Variants in FHIT observed in about 807,000 individuals in gnomAD.
FHIT encodes fragile histidine triad diadenosine triphosphatase.
FHIT carries 19 observed loss-of-function variants against 17.9 expected under a neutral mutation model. That is an observed-to-expected ratio of 1.06 (90% confidence interval 0.74 to 1.56). The LOEUF (loss-of-function observed/expected upper bound fraction) is 1.56, where lower values mean the gene tolerates loss of function less well. Ranked by LOEUF, FHIT falls within the 40% of genes most tolerant of loss-of-function variation. FHIT has a pLI of 0.00. For missense variants in FHIT, 248 were observed against 189.2 expected (o/e 1.31, Z -1.82); for synonymous variants, 81 against 69.7 (o/e 1.16, Z -0.81).
chr3:60,584,704 C>T (rs1298430158), intron 4 of FHIT, among the ~76,000 whole-genome samples: 1 of 151,966 alleles, frequency 6.6e-6, no homozygotes, highest in Non-Finnish European at 1.5e-5. Flanking sequence ...GTTACAAAGT[C>T]CTGCACTGCA....
At chr3:60,229,088 T>C (rs1410484670) in intron 5 of FHIT, among the ~76,000 whole-genome samples, 2 of 152,168 alleles carry the variant, frequency 1.3e-5, no homozygotes, top group Non-Finnish European at 2.9e-5. Flanking sequence ...GACTTCTTAC[T>C]ATGTTGCAGA....
chr3:60,778,098 T>C (rs1700266726), intron 4 of FHIT, among the ~76,000 whole-genome samples: 1 of 152,212 alleles, frequency 6.6e-6, no homozygotes, highest in Non-Finnish European at 1.5e-5. Context: ...TCAATCTTCT[T>C]TAGGTTATAG....
intron 5 of FHIT, among the ~76,000 whole-genome samples, chr3:60,380,461 A>C (rs1700752264): frequency 6.6e-6 from 1 of 152,178 alleles, no homozygotes; most frequent in Admixed American, 6.6e-5. Flanking sequence ...CTAGTTTCAG[A>C]TATTCCTTTA....
At chr3:60,500,771 TAAAAAAAAAAAAAA>T (rs71092606) in intron 5 of FHIT, among the ~76,000 whole-genome samples, 7 of 64,864 alleles carry the variant, frequency 1.1e-4, no homozygotes, top group Admixed American at 9.2e-4. Flanking sequence ...AGCATCCATC[TAAAAAAAAAAAAAA>T]AAAAAAAAAA....
Position 60,028,541 on chromosome 3 carries a change from T to C in FHIT, c.104-14389A>G, listed in dbSNP as rs530931126. ...ATGTAGTTTTGTATCCCACTGATCT[T>C]CCAGTGATGAACCCACATATTTCAC... On this transcript the variant is annotated intron_variant, in intron 5 of 9. Coordinates refer to ENST00000492590, the MANE Select transcript of FHIT (RefSeq NM_002012.4). Among the ~76,000 whole-genome samples the C allele has an allele frequency of 1.1e-4, 16 of 152,290 alleles. No individual in the cohort carries two copies. In the East Asian group the frequency reaches 3.1e-3, roughly 29 times the overall value.
chr3:60,380,218 T>C (rs945292789), intron 5 of FHIT, among the ~76,000 whole-genome samples: 3 of 152,140 alleles, frequency 2.0e-5, no homozygotes, highest in Non-Finnish European at 2.9e-5. Flanking sequence ...GCCCTCCCCA[T>C]GGTAATGAGT....
At chr3:61,182,616 T>G (rs1360315625) in intron 2 of FHIT, among the ~76,000 whole-genome samples, 1 of 152,284 alleles carries the variant, frequency 6.6e-6, no homozygotes, top group Admixed American at 6.5e-5. Context: ...AAATTCATAC[T>G]AGAGAGTAAA....
At chr3:60,099,227 C>T (rs1261630081) in intron 5 of FHIT, among the ~76,000 whole-genome samples, 3 of 152,100 alleles carry the variant, frequency 2.0e-5, no homozygotes, top group Non-Finnish European at 4.4e-5. Context: ...GCTCTGTTTA[C>T]CTCTTGATAA....
chr3:60,669,414 C>T (rs972743007), intron 4 of FHIT, among the ~76,000 whole-genome samples: 1 of 152,184 alleles, frequency 6.6e-6, no homozygotes, highest in Non-Finnish European at 1.5e-5. Flanking sequence ...CAGATGGGAA[C>T]ATGTGATAAT....
intron 4 of FHIT, among the ~76,000 whole-genome samples, chr3:60,587,618 G>A (rs573228668): frequency 4.6e-5 from 7 of 152,106 alleles, no homozygotes; most frequent in Middle Eastern, 3.4e-3. Context: ...CAGTTGAGGC[G>A]TAAAACCTGA....
At chr3:60,486,253 A>C (rs9818182) in intron 5 of FHIT, among the ~76,000 whole-genome samples, 1 of 152,052 alleles carries the variant, frequency 6.6e-6, no homozygotes, top group Non-Finnish European at 1.5e-5. Flanking sequence ...ATTTCCAATA[A>C]AAAATTTTAT....
chr3:60,068,753 TC>T (rs1359992852), intron 5 of FHIT, among the ~76,000 whole-genome samples: 1 of 152,198 alleles, frequency 6.6e-6, no homozygotes, highest in Non-Finnish European at 1.5e-5. Context: ...CATAATTTTT[TC>T]CTCTACCTGA....
chr3:60,867,840 T>G (rs1434835279), intron 3 of FHIT, among the ~76,000 whole-genome samples: 1 of 152,192 alleles, frequency 6.6e-6, no homozygotes, highest in Non-Finnish European at 1.5e-5. Flanking sequence ...TTTGGGCATG[T>G]ACCATTAGCA....
At chr3:61,132,362 T>C (rs535078784) in intron 2 of FHIT, among the ~76,000 whole-genome samples, 46 of 152,344 alleles carry the variant, frequency 3.0e-4, no homozygotes, top group African/African-American at 1.1e-3. Flanking sequence ...CATAGACAAT[T>C]CAATTACAAA....
chr3:60,558,701 G>C (rs867292602), intron 4 of FHIT, among the ~76,000 whole-genome samples: 30 of 152,302 alleles, frequency 2.0e-4, no homozygotes, highest in Middle Eastern at 3.4e-3. Flanking sequence ...CACTCATGTT[G>C]TGGCATCTTC....
chr3:59,917,520 C>G (rs1330571074), intron 8 of FHIT, among the ~76,000 whole-genome samples: 1 of 152,190 alleles, frequency 6.6e-6, no homozygotes, highest in Non-Finnish European at 1.5e-5. Flanking sequence ...TTACCATAAT[C>G]TTCATCAACT....
rs1481644501 is a variant in FHIT, at chr3:61,070,841, C to A, written c.-163-28742G>T. Among the ~76,000 whole-genome samples, 3 of 152,182 alleles carry A rather than the reference C, an allele frequency of 2.0e-5. No homozygotes were observed. In the East Asian group the frequency reaches 5.8e-4, roughly 29 times the overall value. ...GTGTTCTATCATTTAATTCATGATG[C>A]TGTTTATCTTGGCTGCAAGAGAGTG... On this transcript the variant is annotated intron_variant, in intron 2 of 9. Transcript: ENST00000492590.
intron 3 of FHIT, among the ~76,000 whole-genome samples, chr3:60,865,252 C>T (rs1704105856): frequency 6.6e-6 from 1 of 152,070 alleles, no homozygotes; most frequent in South Asian, 2.1e-4. Context: ...AATGTGGTAG[C>T]CACTAATTAT....
In FHIT at chr3:60,664,557, A is replaced by AT. The variant is rs556419107; in HGVS notation, c.-17-127579dup. 2.5e-3 allele frequency among the ~76,000 whole-genome samples: 373 copies of AT among 150,252 alleles called. 3 individuals are homozygous for AT. The highest frequency in any genetic ancestry group is 8.2e-3 in the South Asian group (39 of 4,758). ...GAAAAGATAATATAAAATTGGCATT[A>AT]TTTTTTTTTAACATTTGGTATAATT... is the stretch of plus-strand genomic sequence containing the variant. On this transcript the variant is annotated intron_variant, in intron 4 of 9. Transcript: ENST00000492590.
Sources: allele counts gnomAD v4.1 joint callset (sites outside exome capture counted in the v4.1 genomes callset), GRCh38; gene constraint gnomAD v4.1.1; transcripts MANE v1.5; gene names NCBI Gene and HGNC (gene_info 2026-07-23, HGNC 2026-07-21).